Variants in CHRNA7 observed in about 807,000 individuals in gnomAD.
CHRNA7 encodes cholinergic receptor nicotinic alpha 7 subunit.
A neutral mutation model predicts 48.0 loss-of-function variants in CHRNA7; 17 were observed. The ratio of observed to expected loss-of-function variants is 0.35; its 90% CI spans 0.24 to 0.53. The LOEUF (loss-of-function observed/expected upper bound fraction) is 0.53, where lower values mean the gene tolerates loss of function less well. Ranked by LOEUF, CHRNA7 falls within the 20% of genes least tolerant of loss-of-function variation. The pLI is 0.92. For missense variants in CHRNA7, 155 were observed against 577.7 expected, an observed-to-expected ratio of 0.27 and a Z score of 7.50; for synonymous variants, 75 against 242.3, an observed-to-expected ratio of 0.31 and a Z score of 6.41.
chr15:32,129,368 G>A (rs905558944), intron 4 of CHRNA7, among the ~76,000 whole-genome samples: 2 of 151,852 alleles, frequency 1.3e-5, no homozygotes, highest in African/African-American at 2.4e-5. Flanking sequence ...ATTCCCCAGC[G>A]AAGCCATTCA....
chr15:32,110,852 G>A (rs191729657), intron 3 of CHRNA7, among the ~76,000 whole-genome samples: 1 of 152,356 alleles, frequency 6.6e-6, no homozygotes, highest in Admixed American at 6.5e-5. Context: ...CCTGGTCCCA[G>A]GTTGGGGTGG....
chr15:32,079,448 G>A (rs1385725742), intron 2 of CHRNA7, among the ~76,000 whole-genome samples: 1 of 152,106 alleles, frequency 6.6e-6, no homozygotes, highest in African/African-American at 2.4e-5. Context: ...AGAAACTTCA[G>A]CAAAATCTCA....
chr15:32,067,978 A>G (rs2049992764), intron 2 of CHRNA7, among the ~76,000 whole-genome samples: 2 of 152,178 alleles, frequency 1.3e-5, no homozygotes, highest in African/African-American at 4.8e-5. Context: ...GGGGAAGCAC[A>G]CAAGGCATGT....
intron 2 of CHRNA7, among the ~76,000 whole-genome samples, chr15:32,064,485 GTGTGTGTA>G (rs1340546698): frequency 6.6e-6 from 1 of 150,662 alleles, no homozygotes; most frequent in Admixed American, 6.6e-5. Flanking sequence ...TGTGTGTAGT[GTGTGTGTA>G]TGTGTGTGTA....
intron 2 of CHRNA7, among the ~76,000 whole-genome samples, chr15:32,092,846 G>A (rs777283625): frequency 9.2e-5 from 14 of 152,100 alleles, no homozygotes; most frequent in Non-Finnish European, 1.8e-4. Flanking sequence ...GGCTCTGTTG[G>A]GGTCTCCTTA....
At chr15:32,101,416 A>T in intron 3 of CHRNA7, 69 bp downstream of exon 3, 1 of 1,488,942 alleles carries the variant, frequency 6.7e-7, no homozygotes. Flanking sequence ...TTGTTCTGAT[A>T]CCTGAGATGC....
In CHRNA7 at chr15:32,052,197, ATTTTT is replaced by A. The variant is rs34316175; in HGVS notation, c.195+21173_195+21177del. The stretch of plus-strand genomic sequence containing the variant: ...TAGTATTCTGGTGCCCTTAAGCATG[ATTTTT>A]TTTTTTTTTTTTCCCCAAGCTCTTC... On this transcript the variant is annotated intron_variant, in intron 2 of 9. Coordinates refer to ENST00000306901, the MANE Select transcript of CHRNA7 (RefSeq NM_000746.6). 3.9e-3 allele frequency among the ~76,000 whole-genome samples: 566 copies of A among 146,654 alleles called. 4 individuals are homozygous for A. The highest frequency in any genetic ancestry group is 0.011 in the Admixed American group (169 of 14,878).
At chr15:32,040,642 TTATA>T (rs2049432332) in intron 2 of CHRNA7, among the ~76,000 whole-genome samples, 5 of 151,422 alleles carry the variant, frequency 3.3e-5, no homozygotes, top group African/African-American at 4.8e-5. Context: ...TATGTATATA[TTATA>T]TATACACAAA....
chr15:32,038,780 T>C (rs1325766594), intron 2 of CHRNA7, among the ~76,000 whole-genome samples: 4 of 152,190 alleles, frequency 2.6e-5, no homozygotes, highest in South Asian at 2.1e-4. Context: ...GCAGGCCTCA[T>C]AGAATGTTTT....
intron 4 of CHRNA7, among the ~76,000 whole-genome samples, chr15:32,121,027 C>T (rs1357927152): frequency 1.3e-5 from 2 of 152,196 alleles, no homozygotes; most frequent in Non-Finnish European, 1.5e-5. Flanking sequence ...ACTAGAGATG[C>T]GCTCTTCAGC....
chr15:32,084,891 G>A lies in CHRNA7; in HGVS notation c.196-16412G>A, dbSNP rs116149572. On this transcript the variant is annotated intron_variant, in intron 2 of 9. Transcript: ENST00000306901. Reference sequence around the variant, plus strand: ...CTTGTGGCCCAGGCTGGAGTGTAACGGCACGATCACAGCTCACTGCAACCT... The same window carrying A: ...CTTGTGGCCCAGGCTGGAGTGTAACAGCACGATCACAGCTCACTGCAACCT... Among the ~76,000 whole-genome samples, 1,276 of 150,992 alleles carry A rather than the reference G, an allele frequency of 8.5e-3. 22 individuals carry two copies. Among genetic ancestry groups the A allele is most frequent in the African/African-American group, 0.03 (1,210 of 41,004 alleles).
chr15:32,150,845 G>C (rs2051610934), intron 4 of CHRNA7, among the ~76,000 whole-genome samples: 1 of 152,038 alleles, frequency 6.6e-6, no homozygotes, highest in Admixed American at 6.5e-5. Context: ...CATTTATAAT[G>C]TGACTCATTA....
In CHRNA7 at chr15:32,030,987, C is replaced by A. The variant is rs766039837; in HGVS notation, c.145C>A (p.Gln49Lys). Residue 49 changes from glutamine (Q) to lysine (K), a missense_variant, in exon 2 of 10, where the codon CAA becomes AAA. Coordinates refer to ENST00000306901, the MANE Select transcript of CHRNA7 (RefSeq NM_000746.6). Reference protein sequence around the residue: ...PLERPVANDSQPLTVYFSLSL... With the variant: ...PLERPVANDSKPLTVYFSLSL... ...GGAGAGGCCCGTGGCCAATGACTCG[C>A]AACCACTCACCGTCTACTTCTCCCT... is the stretch of plus-strand genomic sequence containing the variant. 1.9e-6 allele frequency: 3 copies of A among 1,614,226 alleles called. No individual in the cohort carries two copies. The highest frequency in any genetic ancestry group is 2.5e-6 in the Non-Finnish European group (3 of 1,180,022).
chr15:32,099,664 A>G (rs1595445100), intron 2 of CHRNA7: 1 of 152,240 alleles, frequency 6.6e-6, no homozygotes, highest in Non-Finnish European at 1.5e-5. Context: ...ATTAAAAACA[A>G]CAACTCCTTA....
In CHRNA7 at chr15:32,063,079, T is replaced by C. The variant is rs1281478404; in HGVS notation, c.195+32042T>C. Reference sequence around the variant, plus strand: ...TACAGAATAAAAGATAAAAGAATGATATACATATACAGGGTAGTTACCGTG... The same window carrying C: ...TACAGAATAAAAGATAAAAGAATGACATACATATACAGGGTAGTTACCGTG... On this transcript the variant is annotated intron_variant, in intron 2 of 9. Coordinates refer to ENST00000306901, the MANE Select transcript of CHRNA7 (RefSeq NM_000746.6). 2.0e-5 allele frequency among the ~76,000 whole-genome samples: 3 copies of C among 152,168 alleles called. No individual in the cohort carries two copies. In the East Asian group the frequency reaches 5.8e-4, roughly 29 times the overall value.
chr15:32,032,701 C>T (rs1456253265), intron 2 of CHRNA7, among the ~76,000 whole-genome samples: 1 of 152,262 alleles, frequency 6.6e-6, no homozygotes, highest in South Asian at 2.1e-4. Context: ...ACAGCTGTCT[C>T]TCTTGGAGTG....
At chr15:32,143,674 G>A (rs1007164608) in intron 4 of CHRNA7, among the ~76,000 whole-genome samples, 1 of 152,110 alleles carries the variant, frequency 6.6e-6, no homozygotes, top group East Asian at 1.9e-4. Flanking sequence ...TTATATAATG[G>A]CCTTCTTTGT....
intron 4 of CHRNA7, among the ~76,000 whole-genome samples, chr15:32,142,969 T>G (rs2051412283): frequency 6.6e-6 from 1 of 152,158 alleles, no homozygotes. Flanking sequence ...AGCTTTTGAA[T>G]TTATTTGCTT....
intron 3 of CHRNA7, 64 bp downstream of exon 3, chr15:32,101,411 C>G: frequency 6.7e-7 from 1 of 1,502,998 alleles, no homozygotes; most frequent in Non-Finnish European, 9.0e-7. Context: ...GATTCTTGTT[C>G]TGATACCTGA....
Sources: allele counts gnomAD v4.1 joint callset (sites outside exome capture counted in the v4.1 genomes callset), GRCh38; gene constraint gnomAD v4.1.1; transcripts MANE v1.5; gene names NCBI Gene and HGNC (gene_info 2026-07-23, HGNC 2026-07-21).